CHST15: variants seen among roughly 807,000 people sequenced by gnomAD.
CHST15 encodes B cell RAG associated protein (GALNAC4S-6ST).
Under a neutral mutation model 53.6 loss-of-function variants are expected in CHST15, and 30 were observed. The ratio of observed to expected loss-of-function variants is 0.56; its 90% CI spans 0.42 to 0.76. The LOEUF (loss-of-function observed/expected upper bound fraction) is 0.76. Among genes scored for constraint, CHST15 ranks in the 30% least tolerant of loss-of-function variants. The pLI, the probability that CHST15 is intolerant of heterozygous loss-of-function variation, is 0.00. For missense variants in CHST15, 627 were observed against 740.5 expected, an observed-to-expected ratio of 0.85 and a Z score of 1.78; for synonymous variants, 296 against 289.8, an observed-to-expected ratio of 1.02 and a Z score of -0.22.
At chr10:124,052,093 C>A (rs957763392) in intron 1 of CHST15, among the ~76,000 whole-genome samples, 3 of 152,134 alleles carry the variant, frequency 2.0e-5, no homozygotes, top group Non-Finnish European at 4.4e-5. Flanking sequence ...AAAAAAAATT[C>A]AATGGGTCTT....
chr10:124,081,541 A>G (rs1949239711), intron 1 of CHST15, among the ~76,000 whole-genome samples: 1 of 152,224 alleles, frequency 6.6e-6, no homozygotes, highest in Non-Finnish European at 1.5e-5. Flanking sequence ...GTTTCTGCCA[A>G]GTTTACTTCT....
chr10:124,045,840 T>C lies in CHST15; in HGVS notation c.373A>G (p.Ser125Gly). 6.2e-7 allele frequency: 1 copy of C among 1,614,040 alleles called. No individual in the cohort carries two copies. The highest frequency in any genetic ancestry group is 1.3e-5 in the African/African-American group (1 of 75,014). ...GFPSNPSLMD[S>G]ENPSDTKEHH... is the part of the protein sequence containing the mutation. The stretch of plus-strand genomic sequence containing the variant: ...TCCTTTGTGTCACTTGGGTTTTCGC[T>C]GTCCATCAAGCTGGGGTTGCTGGGG... Residue 125 changes from serine (S) to glycine (G), a missense_variant, in exon 2 of 8, where the codon AGC (serine) becomes GGC (glycine). Physicochemically the swap from Ser to Gly is moderately conservative, Grantham distance 56 (BLOSUM62 0). Transcript: ENST00000435907.
chr10:124,042,253 G>T, intron 4 of CHST15, 48 bp downstream of exon 4: 1 of 1,566,690 alleles, frequency 6.4e-7, no homozygotes, highest in South Asian at 1.1e-5. Flanking sequence ...CCAGAGCCAG[G>T]ACCCCAGGGA....
At chr10:124,014,091 T>G (rs757980914) in intron 6 of CHST15, among the ~76,000 whole-genome samples, 1 of 152,252 alleles carries the variant, frequency 6.6e-6, no homozygotes, top group Non-Finnish European at 1.5e-5. Flanking sequence ...CATCCTCTCA[T>G]ACATGCAGCA....
intron 1 of CHST15, among the ~76,000 whole-genome samples, chr10:124,081,024 C>T (rs190593200): frequency 6.6e-6 from 1 of 152,210 alleles, no homozygotes; most frequent in African/African-American, 2.4e-5. Context: ...GGCCTCCAGC[C>T]TGGGCCACTG....
chr10:124,044,502 C>A, intron 3 of CHST15, 78 bp downstream of exon 3: 2 of 1,237,134 alleles, frequency 1.6e-6, no homozygotes, highest in South Asian at 3.3e-5. Context: ...CGCCCCCCAA[C>A]CCCAGCGCTA....
intron 5 of CHST15, among the ~76,000 whole-genome samples, chr10:124,031,755 T>C (rs182740828): frequency 3.3e-5 from 5 of 152,342 alleles, no homozygotes; most frequent in Admixed American, 3.3e-4. Context: ...ACTACAAATA[T>C]TAAGTCATTT....
intron 5 of CHST15, among the ~76,000 whole-genome samples, chr10:124,030,307 C>T (rs966048206): frequency 2.6e-5 from 4 of 152,150 alleles, no homozygotes; most frequent in East Asian, 1.9e-4. Flanking sequence ...GACCTCGTGC[C>T]GCTTCCAGGG....
At chr10:124,075,040 T>C (rs1949027839) in intron 1 of CHST15, among the ~76,000 whole-genome samples, 1 of 152,274 alleles carries the variant, frequency 6.6e-6, no homozygotes, top group Non-Finnish European at 1.5e-5. Flanking sequence ...GCCAGACTTA[T>C]TATTCAAGTT....
Position 124,010,184 on chromosome 10 carries a change from G to A in CHST15, c.1651C>T (p.Leu551Phe). 1 of 1,613,712 alleles carries A rather than the reference G, an allele frequency of 6.2e-7. No individual in the cohort carries two copies. Among genetic ancestry groups the A allele is most frequent in the Non-Finnish European group, 8.5e-7 (1 of 1,180,044 alleles). Residue 551 changes from leucine to phenylalanine, a missense_variant, in exon 8 of 8, where the codon CTC (leucine) becomes TTC (phenylalanine). This residue lies in a region of CHST15 where 279 missense variants were observed against 371.6 expected (regional missense o/e 0.75). Coordinates refer to ENST00000435907, the MANE Select transcript of CHST15 (RefSeq NM_001270764.2). ...RPFNARLAQV[L>F]ADEAFAWKTT is the part of the protein sequence containing the mutation. ...TTCCACGCAAACGCCTCATCCGCGA[G>A]GACCTGCGCCAGCCTAGCGTTGAAG...
intron 1 of CHST15, among the ~76,000 whole-genome samples, chr10:124,085,542 G>A (rs994536638): frequency 3.9e-5 from 6 of 152,220 alleles, no homozygotes; most frequent in African/African-American, 1.4e-4. Context: ...GCCTTTGGAA[G>A]AATCATTTTT....
In CHST15 at chr10:124,009,720, A is replaced by G; in HGVS notation, c.*429T>C. On this transcript the variant is annotated 3_prime_UTR_variant, in exon 8 of 8. Coordinates refer to ENST00000435907, the MANE Select transcript of CHST15 (RefSeq NM_001270764.2). ...AGACCCCATCTCTAGGGGGAAAAAA[A>G]GGGAACGTGAAGTGTAAGTTCCAGC... 9.8e-7 allele frequency: 1 copy of G among 1,024,338 alleles called. No homozygotes were observed. Among genetic ancestry groups the G allele is most frequent in the East Asian group, 1.0e-4 (1 of 9,994 alleles). 63.5% of individuals were successfully genotyped at this position (1,024,338 alleles called of 1,614,324 possible).
intron 1 of CHST15, among the ~76,000 whole-genome samples, chr10:124,066,229 G>T (rs1309510765): frequency 6.6e-6 from 1 of 152,210 alleles, no homozygotes; most frequent in Non-Finnish European, 1.5e-5. Flanking sequence ...GTTACAGAGT[G>T]TTGGGCTAGG....
intron 1 of CHST15, among the ~76,000 whole-genome samples, chr10:124,071,968 G>C (rs1372319034): frequency 6.6e-6 from 1 of 152,214 alleles, no homozygotes; most frequent in African/African-American, 2.4e-5. Flanking sequence ...GCTCAGGCCA[G>C]GCGCTCCTGG....
intron 5 of CHST15, among the ~76,000 whole-genome samples, chr10:124,028,716 G>A (rs1947105640): frequency 6.6e-6 from 1 of 152,232 alleles, no homozygotes; most frequent in South Asian, 2.1e-4. Context: ...AAGGGCAGGC[G>A]CTTGGTGGCC....
chr10:124,009,495 G>T lies in CHST15; in HGVS notation c.*654C>A. 7.1e-6 allele frequency: 7 copies of T among 989,250 alleles called. No homozygotes were observed. Among genetic ancestry groups the T allele is most frequent in the Non-Finnish European group, 8.4e-6 (7 of 832,178 alleles). 61.3% of individuals were successfully genotyped at this position (989,250 alleles called of 1,614,324 possible). A position where few individuals can be genotyped will look rare whatever the true frequency, so the allele number is the denominator to read the frequency against. ...CCTTTTGGAAACAGTGACGTTAACA[G>T]GGTTTACATCTGAAGAAACTGGAGG... On this transcript the variant is annotated 3_prime_UTR_variant, in exon 8 of 8. Transcript: ENST00000435907.
intron 3 of CHST15, 23 bp downstream of exon 3, chr10:124,044,557 G>A (rs1947884382): frequency 6.8e-7 from 1 of 1,468,366 alleles, no homozygotes; most frequent in African/African-American, 1.4e-5. Flanking sequence ...GACCAGACAG[G>A]AGCCCTGGGA....
intron 1 of CHST15, among the ~76,000 whole-genome samples, chr10:124,048,354 G>A (rs1948074300): frequency 6.6e-6 from 1 of 152,194 alleles, no homozygotes; most frequent in Non-Finnish European, 1.5e-5. Flanking sequence ...GTATCAAGGA[G>A]CCAGTTTGAG....
At chr10:124,017,082 G>C (rs761623574) in intron 6 of CHST15, among the ~76,000 whole-genome samples, 1 of 152,070 alleles carries the variant, frequency 6.6e-6, no homozygotes, top group Non-Finnish European at 1.5e-5. Flanking sequence ...CAAAGTGCCC[G>C]GTAGCAAGCA....
Sources: allele counts gnomAD v4.1 joint callset (sites outside exome capture counted in the v4.1 genomes callset), GRCh38; gene constraint gnomAD v4.1.1; regional missense constraint gnomAD v4.1.1; transcripts MANE v1.5; gene names NCBI Gene and HGNC (gene_info 2026-07-23, HGNC 2026-07-21).